Variants in MGLL observed in about 807,000 individuals in gnomAD.
The protein encoded by MGLL is monoglyceride lipase.
In MGLL, 7 loss-of-function variants were observed where a neutral mutation model predicts 29.1. The ratio of observed to expected loss-of-function variants is 0.24; its 90% confidence interval spans 0.14 to 0.45. MGLL has a LOEUF of 0.45. MGLL is among the 20% of genes least tolerant of loss of function. The pLI, the probability that MGLL is intolerant of heterozygous loss-of-function variation, is 0.99. For synonymous variants in MGLL, 148 were observed against 168.3 expected (o/e 0.88, Z 0.93); for missense variants, 356 against 413.6 (o/e 0.86, Z 1.21).
At chr3:127,818,775 T>A (rs1174140549) in intron 2 of MGLL, among the ~76,000 whole-genome samples, 1 of 152,182 alleles carries the variant, frequency 6.6e-6, no homozygotes, top group Non-Finnish European at 1.5e-5. Context: ...GACCTCTGTT[T>A]CCTCATCTGT....
At chr3:127,793,181 T>A (rs1334471271) in intron 2 of MGLL, among the ~76,000 whole-genome samples, 1 of 152,100 alleles carries the variant, frequency 6.6e-6, no homozygotes, top group Non-Finnish European at 1.5e-5. Context: ...CGTGGCAGAA[T>A]GGCAGCCGCC....
intron 3 of MGLL, among the ~76,000 whole-genome samples, chr3:127,733,470 C>T (rs76650663): frequency 2.0e-5 from 3 of 152,156 alleles, no homozygotes; most frequent in Non-Finnish European, 4.4e-5. Flanking sequence ...GATCCAGGAA[C>T]CCTCTCTTGG....
chr3:127,757,264 G>A (rs370978444), intron 3 of MGLL, among the ~76,000 whole-genome samples: 1 of 152,216 alleles, frequency 6.6e-6, no homozygotes, highest in Admixed American at 6.5e-5. Context: ...TACAGACACA[G>A]GAGAAAGCAT....
intron 2 of MGLL, among the ~76,000 whole-genome samples, chr3:127,814,934 C>T (rs185416602): frequency 6.6e-6 from 1 of 152,278 alleles, no homozygotes; most frequent in Non-Finnish European, 1.5e-5. Flanking sequence ...TTAAAAGGTG[C>T]TACTAAAATG....
At chr3:127,787,660 C>T (rs1300837940) in intron 2 of MGLL, among the ~76,000 whole-genome samples, 2 of 152,250 alleles carry the variant, frequency 1.3e-5, no homozygotes, top group African/African-American at 4.8e-5. Context: ...ACTAGTCCCA[C>T]ACCCCTGAGG....
chr3:127,817,812 CA>C (rs2077783231), intron 2 of MGLL, among the ~76,000 whole-genome samples: 1 of 152,218 alleles, frequency 6.6e-6, no homozygotes, highest in Non-Finnish European at 1.5e-5. Context: ...TGGCTGAATA[CA>C]AAGGTGCTAA....
intron 3 of MGLL, among the ~76,000 whole-genome samples, chr3:127,775,555 AAC>A (rs2077020421): frequency 6.6e-6 from 1 of 151,950 alleles, no homozygotes; most frequent in Admixed American, 6.6e-5. Flanking sequence ...ATTCCCTCAA[AAC>A]TTCCTCTTCT....
intron 3 of MGLL, among the ~76,000 whole-genome samples, chr3:127,760,701 TG>T (rs1012830459): frequency 6.6e-6 from 1 of 152,170 alleles, no homozygotes; most frequent in Non-Finnish European, 1.5e-5. Flanking sequence ...CAGCACTGAT[TG>T]GGGGGCGCTG....
intron 6 of MGLL, among the ~76,000 whole-genome samples, chr3:127,708,566 T>C (rs555823106): frequency 9.9e-5 from 15 of 152,262 alleles, no homozygotes; most frequent in Non-Finnish European, 1.6e-4. Flanking sequence ...AATCTCTTTT[T>C]AGTACCTGTT....
At position 127,797,211 on chromosome 3, in the gene MGLL, T is replaced by C. The variant is rs185575397; in HGVS notation, c.156-15316A>G. Among the ~76,000 whole-genome samples the C allele has an allele frequency of 1.4e-3, 216 of 152,204 alleles. 5 individuals are homozygous for C. Among genetic ancestry groups the C allele is most frequent in the African/African-American group, 4.8e-3 (201 of 41,532 alleles). ...CTCCAGTTGTCTTTCACCATCCCTC[T>C]GCAGAGGGTGTATCCCAGGACTGCT... On this transcript the variant is annotated intron_variant, in intron 2 of 7. Transcript: ENST00000265052.
intron 6 of MGLL, among the ~76,000 whole-genome samples, chr3:127,706,380 C>CAG (rs2075602414): frequency 6.6e-6 from 1 of 152,210 alleles, no homozygotes; most frequent in Non-Finnish European, 1.5e-5. Flanking sequence ...CTGTGGCTTC[C>CAG]CTGACAGTCT....
At chr3:127,733,431 G>A (rs1326444048) in intron 3 of MGLL, among the ~76,000 whole-genome samples, 1 of 152,102 alleles carries the variant, frequency 6.6e-6, no homozygotes, top group East Asian at 1.9e-4. Context: ...GTTACTCTAT[G>A]GACTCCCTCT....
intron 6 of MGLL, among the ~76,000 whole-genome samples, chr3:127,699,414 A>AAAT (rs777551354): frequency 9.2e-5 from 14 of 152,232 alleles, no homozygotes; most frequent in Admixed American, 9.2e-4. Flanking sequence ...ATACTATGAA[A>AAAT]AATAACTAAT....
At chr3:127,766,784 G>T (rs1425798258) in intron 3 of MGLL, among the ~76,000 whole-genome samples, 1 of 152,118 alleles carries the variant, frequency 6.6e-6, no homozygotes, top group Non-Finnish European at 1.5e-5. Flanking sequence ...AAAAACACTA[G>T]TTACGGCCGG....
chr3:127,741,078 C>T (rs1052936592), intron 3 of MGLL, among the ~76,000 whole-genome samples: 4 of 152,246 alleles, frequency 2.6e-5, no homozygotes, highest in Non-Finnish European at 5.9e-5. Flanking sequence ...CCAGTGACAA[C>T]CTCTCTGTGG....
intron 2 of MGLL, among the ~76,000 whole-genome samples, chr3:127,818,064 G>A (rs1447118439): frequency 6.6e-5 from 10 of 152,332 alleles, no homozygotes; most frequent in African/African-American, 1.9e-4. Context: ...GGGTTCAAGC[G>A]ATTCTCCTGC....
At chr3:127,757,870 G>A (rs754980914) in intron 3 of MGLL, among the ~76,000 whole-genome samples, 9 of 152,194 alleles carry the variant, frequency 5.9e-5, no homozygotes, top group African/African-American at 1.4e-4. Flanking sequence ...GGGAAGAAAC[G>A]CACACTTGCT....
chr3:127,773,990 G>C (rs112531242), intron 3 of MGLL, among the ~76,000 whole-genome samples: 1 of 152,070 alleles, frequency 6.6e-6, no homozygotes, highest in Non-Finnish European at 1.5e-5. Flanking sequence ...ATCTGTCTTC[G>C]CACAGCAGCC....
chr3:127,740,169 T>C (rs1285169895), intron 3 of MGLL, among the ~76,000 whole-genome samples: 1 of 152,242 alleles, frequency 6.6e-6, no homozygotes, highest in Non-Finnish European at 1.5e-5. Flanking sequence ...TAAAAACTTG[T>C]GGTAAATGTG....
Sources: allele counts gnomAD v4.1 joint callset (sites outside exome capture counted in the v4.1 genomes callset), GRCh38; gene constraint gnomAD v4.1.1; transcripts MANE v1.5; gene names NCBI Gene and HGNC (gene_info 2026-07-23, HGNC 2026-07-21).